The following COX7B2 variants were observed in gnomAD, a reference collection of about 807,000 sequenced individuals.
COX7B2 encodes the protein cytochrome c oxidase subunit 7B2.
For synonymous variants in COX7B2, 37 were observed against 32.1 expected (o/e 1.15, Z -0.51); for missense variants, 109 against 95.9 (o/e 1.14, Z -0.57).
intron 1 of COX7B2, among the ~76,000 whole-genome samples, chr4:46,902,604 GA>G (rs1364857441): frequency 1.3e-5 from 2 of 152,162 alleles, no homozygotes; most frequent in Non-Finnish European, 2.9e-5. Flanking sequence ...TAGCAGTTAA[GA>G]TTTTTGAACC....
chr4:46,831,367 C>G (rs1434211430), intron 2 of COX7B2, among the ~76,000 whole-genome samples: 1 of 152,118 alleles, frequency 6.6e-6, no homozygotes, highest in African/African-American at 2.4e-5. Context: ...CGAGCCTCCT[C>G]AACGAGTGCC....
intron 2 of COX7B2, among the ~76,000 whole-genome samples, chr4:46,809,397 G>A (rs1255851823): frequency 6.6e-6 from 1 of 151,620 alleles, no homozygotes; most frequent in Non-Finnish European, 1.5e-5. Flanking sequence ...TCTTTTTAAT[G>A]TAGGCGTTTA....
intron 2 of COX7B2, among the ~76,000 whole-genome samples, chr4:46,817,788 T>G (rs746584734): frequency 7.2e-5 from 11 of 152,144 alleles, no homozygotes; most frequent in Non-Finnish European, 1.2e-4. Flanking sequence ...GCAGGTTCCC[T>G]AAGCATCTCA....
intron 2 of COX7B2, among the ~76,000 whole-genome samples, chr4:46,772,086 C>A (rs910114452): frequency 5.3e-5 from 8 of 152,022 alleles, no homozygotes; most frequent in Non-Finnish European, 1.5e-5. Flanking sequence ...TGATTAGACA[C>A]ACGCATACAG....
At chr4:46,857,587 G>C (rs1717075559) in intron 1 of COX7B2, among the ~76,000 whole-genome samples, 1 of 152,122 alleles carries the variant, frequency 6.6e-6, no homozygotes, top group Non-Finnish European at 1.5e-5. Context: ...ATAGAGCTGG[G>C]AGAAAAAGAA....
intron 2 of COX7B2, among the ~76,000 whole-genome samples, chr4:46,747,860 TA>T (rs1715117735): frequency 6.6e-6 from 1 of 152,158 alleles, no homozygotes; most frequent in South Asian, 2.1e-4. Flanking sequence ...GTAATCACCA[TA>T]AAATTTGTCT....
intron 2 of COX7B2, among the ~76,000 whole-genome samples, chr4:46,763,683 A>T (rs913842448): frequency 1.3e-5 from 2 of 152,174 alleles, no homozygotes; most frequent in Non-Finnish European, 2.9e-5. Context: ...GATAGATTAT[A>T]TATTATATAT....
At chr4:46,859,165 C>T (rs1325816609) in intron 1 of COX7B2, among the ~76,000 whole-genome samples, 4 of 152,204 alleles carry the variant, frequency 2.6e-5, no homozygotes, top group Admixed American at 2.6e-4. Context: ...TCGTGTCTCA[C>T]AAGGAATGTA....
intron 1 of COX7B2, among the ~76,000 whole-genome samples, chr4:46,888,645 A>G (rs1482211864): frequency 6.6e-6 from 1 of 151,882 alleles, no homozygotes; most frequent in Admixed American, 6.6e-5. Flanking sequence ...ATGGGGTTTC[A>G]CCATGTTAGT....
chr4:46,797,842 C>G (rs1448058005), intron 2 of COX7B2, among the ~76,000 whole-genome samples: 3 of 152,152 alleles, frequency 2.0e-5, no homozygotes, highest in Non-Finnish European at 2.9e-5. Context: ...CCTCTGGTAG[C>G]TGGTATGAAG....
At chr4:46,762,342 T>C (rs1716225406) in intron 2 of COX7B2, among the ~76,000 whole-genome samples, 1 of 137,510 alleles carries the variant, frequency 7.3e-6, no homozygotes, top group Non-Finnish European at 1.5e-5. Context: ...TATTAATATA[T>C]ATTTATATAT....
At chr4:46,835,073 C>T (rs1428458283) in intron 2 of COX7B2, among the ~76,000 whole-genome samples, 21 of 151,738 alleles carry the variant, frequency 1.4e-4, no homozygotes, top group Admixed American at 1.2e-3. Context: ...CCTTTTTTCC[C>T]TAGTAGTTTG....
intron 2 of COX7B2, among the ~76,000 whole-genome samples, chr4:46,759,751 G>A (rs1255004625): frequency 6.6e-6 from 1 of 151,514 alleles, no homozygotes; most frequent in Admixed American, 6.6e-5. Flanking sequence ...CGCTTGTTAG[G>A]AAAAGTGTTA....
At chr4:46,761,559 A>G (rs1370392964) in intron 2 of COX7B2, among the ~76,000 whole-genome samples, 1 of 152,158 alleles carries the variant, frequency 6.6e-6, no homozygotes, top group Admixed American at 6.6e-5. Context: ...GAAGTATAAG[A>G]TAAGATTTCA....
At chr4:46,876,726 G>C (rs1718365825) in intron 1 of COX7B2, 1 of 151,998 alleles carries the variant, frequency 6.6e-6, no homozygotes, top group South Asian at 2.1e-4. Context: ...TCTTAAGAAA[G>C]CTTTTCATTT....
chr4:46,848,727 TTATC>T (rs925361993), intron 1 of COX7B2, among the ~76,000 whole-genome samples: 5 of 152,178 alleles, frequency 3.3e-5, no homozygotes, highest in African/African-American at 7.2e-5. Flanking sequence ...TCAATACACT[TTATC>T]TATGTATATG....
chr4:46,759,742 G>A (rs924251114), intron 2 of COX7B2, among the ~76,000 whole-genome samples: 5 of 151,452 alleles, frequency 3.3e-5, no homozygotes, highest in Non-Finnish European at 5.9e-5. Flanking sequence ...TCTCAGGAAC[G>A]CTTGTTAGGA....
At chr4:46,874,540 C>G (rs1469650633) in intron 1 of COX7B2, among the ~76,000 whole-genome samples, 1 of 152,094 alleles carries the variant, frequency 6.6e-6, no homozygotes, top group Non-Finnish European at 1.5e-5. Flanking sequence ...ACATATGGAC[C>G]ATCATATCAA....
intron 2 of COX7B2, among the ~76,000 whole-genome samples, chr4:46,832,330 G>A (rs184821608): frequency 5.9e-5 from 9 of 152,122 alleles, no homozygotes; most frequent in South Asian, 2.1e-4. Context: ...CTCCAGACAC[G>A]CCGCCTTTAA....
Sources: allele counts gnomAD v4.1 joint callset (sites outside exome capture counted in the v4.1 genomes callset), GRCh38; gene constraint gnomAD v4.1.1; transcripts MANE v1.5; gene names NCBI Gene and HGNC (gene_info 2026-07-23, HGNC 2026-07-21).